Variants in RIC1 observed in about 807,000 individuals in gnomAD.
The protein encoded by RIC1 is guanine nucleotide exchange factor subunit RIC1.
A neutral mutation model predicts 169.0 loss-of-function variants in RIC1; 88 were observed. That is an observed-to-expected ratio of 0.52 (90% CI 0.44 to 0.62). RIC1 has a LOEUF of 0.62. Ranked by LOEUF, RIC1 falls within the 20% of genes least tolerant of loss-of-function variation. The pLI, the probability that RIC1 is intolerant of heterozygous loss-of-function variation, is 0.00. For missense variants in RIC1, 1,877 were observed against 1,725.5 expected (o/e 1.09, Z -1.56); for synonymous variants, 790 against 601.5 (o/e 1.31, Z -4.59).
intron 2 of RIC1, among the ~76,000 whole-genome samples, chr9:5,660,019 C>G (rs1303292847): frequency 6.6e-6 from 1 of 152,154 alleles, no homozygotes; most frequent in African/African-American, 2.4e-5. Flanking sequence ...CCTCCATCCT[C>G]TAACAGACCC....
chr9:5,690,385 G>A (rs911711549), intron 3 of RIC1, among the ~76,000 whole-genome samples: 2 of 151,982 alleles, frequency 1.3e-5, no homozygotes, highest in African/African-American at 4.8e-5. Context: ...TTTTGCATGT[G>A]CTTTTGTATA....
At chr9:5,686,703 A>C (rs1190667011) in intron 2 of RIC1, among the ~76,000 whole-genome samples, 1 of 151,918 alleles carries the variant, frequency 6.6e-6, no homozygotes, top group East Asian at 1.9e-4. Flanking sequence ...GGTGCAGCGC[A>C]CCAGTATGGC....
chr9:5,667,797 C>G (rs1386184315), intron 2 of RIC1, among the ~76,000 whole-genome samples: 1 of 152,162 alleles, frequency 6.6e-6, no homozygotes, highest in African/African-American at 2.4e-5. Flanking sequence ...AGCCACCGCA[C>G]TGGGCCTGAG....
downstream of RIC1, among the ~76,000 whole-genome samples, chr9:5,777,885 T>C (rs530682278): frequency 6.6e-6 from 1 of 152,318 alleles, no homozygotes; most frequent in Admixed American, 6.5e-5. Context: ...TGTAGGAAAT[T>C]TTGAAAGCGA....
intron 6 of RIC1, among the ~76,000 whole-genome samples, chr9:5,728,918 C>T (rs10758702): frequency 1.3e-5 from 2 of 151,926 alleles, no homozygotes; most frequent in African/African-American, 2.4e-5. Flanking sequence ...AATTTTGGTT[C>T]GTTTGGTTTA....
At chr9:5,671,281 T>A (rs565811392) in intron 2 of RIC1, among the ~76,000 whole-genome samples, 16 of 150,738 alleles carry the variant, frequency 1.1e-4, no homozygotes, top group South Asian at 6.3e-4. Flanking sequence ...ATTATTTTTT[T>A]TTTTTTGAGA....
At chr9:5,649,739 G>GT (rs36042296) in intron 1 of RIC1, among the ~76,000 whole-genome samples, 92 of 144,216 alleles carry the variant, frequency 6.4e-4, no homozygotes, top group Non-Finnish European at 7.2e-4. Context: ...ATAATTTCTT[G>GT]TTTTTTTTTT....
At chr9:5,644,337 G>T (rs1818398597) in intron 1 of RIC1, among the ~76,000 whole-genome samples, 1 of 152,050 alleles carries the variant, frequency 6.6e-6, no homozygotes, top group South Asian at 2.1e-4. Context: ...TTTGTGTTTG[G>T]TTTTTATTTA....
chr9:5,769,585 T>C (rs1190923278), intron 22 of RIC1: 5 of 686,688 alleles, frequency 7.3e-6, no homozygotes, highest in Non-Finnish European at 1.1e-5. Flanking sequence ...CAGATAGACA[T>C]GGACCTCAAA....
chr9:5,768,937 T>G, intron 21 of RIC1, 33 bp from the exon 22 acceptor site: 1 of 1,572,242 alleles, frequency 6.4e-7, no homozygotes, highest in East Asian at 2.2e-5. Context: ...CAGTAAAGAT[T>G]ATTCTGTAGC....
intron 2 of RIC1, among the ~76,000 whole-genome samples, chr9:5,687,532 G>A (rs1821323085): frequency 6.6e-6 from 1 of 151,908 alleles, no homozygotes; most frequent in African/African-American, 2.4e-5. Context: ...ACAAATTTTG[G>A]GATGATGTAT....
chr9:5,739,994 A>G (rs1008918833), intron 8 of RIC1, among the ~76,000 whole-genome samples: 3 of 152,192 alleles, frequency 2.0e-5, no homozygotes, highest in Admixed American at 1.3e-4. Flanking sequence ...CTCTTTCTCT[A>G]TAGGAGATAA....
chr9:5,629,550 C>T, intron 1 of RIC1, 97 bp downstream of exon 1: 1 of 1,317,596 alleles, frequency 7.6e-7, no homozygotes, highest in South Asian at 1.5e-5. Flanking sequence ...ACTCCTGCCC[C>T]TTCGTGCCAG....
chr9:5,749,205 G>A (rs1467166993), intron 12 of RIC1, among the ~76,000 whole-genome samples: 2 of 152,100 alleles, frequency 1.3e-5, no homozygotes, highest in East Asian at 3.9e-4. Flanking sequence ...TTTTAAAACC[G>A]AGGTACTGAG....
intron 4 of RIC1, chr9:5,719,565 C>G (rs1477682980): frequency 5.3e-5 from 8 of 152,166 alleles, no homozygotes; most frequent in Admixed American, 5.2e-4. Context: ...TTGCTAATAC[C>G]TAAGAAATAT....
At chr9:5,776,984 CAT>C (rs375515496), downstream of RIC1, among the ~76,000 whole-genome samples, 15 of 152,124 alleles carry the variant, frequency 9.9e-5, no homozygotes, top group Non-Finnish European at 1.9e-4. Context: ...TAAATGGAAA[CAT>C]ATAGTATGTG....
At chr9:5,684,299 C>A (rs1041144823) in intron 2 of RIC1, among the ~76,000 whole-genome samples, 1 of 36,572 alleles carries the variant, frequency 2.7e-5, no homozygotes, top group African/African-American at 7.5e-5. Context: ...CCCCCCCCCC[C>A]CCGCCATCTC....
Position 5,772,877 on chromosome 9 carries a change from T to G in RIC1, c.3795-15T>G. 6.2e-7 allele frequency: 1 copy of G among 1,605,926 alleles called. No homozygotes were observed. Among genetic ancestry groups the G allele is most frequent in the South Asian group, 1.1e-5 (1 of 89,654 alleles). ...CTTTCTTAGCATAAATCATTTTGTT[T>G]CTGCTTATATTTAGGTATTTGCTAC... On this transcript the variant is annotated splice_polypyrimidine_tract_variant and intron_variant, in intron 24 of 25. Transcript: ENST00000414202.
intron 3 of RIC1, among the ~76,000 whole-genome samples, chr9:5,711,585 T>A (rs1054178939): frequency 1.7e-4 from 25 of 150,982 alleles, no homozygotes; most frequent in East Asian, 3.9e-4. Flanking sequence ...ATATATATAT[T>A]TTTATTATAC....
Sources: gnomAD v4.1 joint callset for allele counts (sites outside exome capture counted in the v4.1 genomes callset) on GRCh38, gnomAD v4.1.1 for gene constraint, MANE v1.5 for transcripts, NCBI Gene and HGNC (gene_info 2026-07-23, HGNC 2026-07-21) for gene names.